METTL15: variants seen among roughly 807,000 people sequenced by gnomAD.
METTL15 encodes methyltransferase 15, mitochondrial 12S rRNA N4-cytidine, also known as 12S rRNA N(4)-cytidine methyltransferase METTL15.
Under a neutral mutation model 38.3 loss-of-function variants are expected in METTL15, and 34 were observed. The ratio of observed to expected loss-of-function variants is 0.89; its 90% CI spans 0.68 to 1.18. The LOEUF (loss-of-function observed/expected upper bound fraction) is 1.18. METTL15 is among the 50% of genes most tolerant of loss of function. METTL15 has a pLI of 0.00. For synonymous variants in METTL15, 162 were observed against 170.9 expected (o/e 0.95, Z 0.41); for missense variants, 438 against 498.4 (o/e 0.88, Z 1.15).
intron 3 of METTL15, chr11:28,163,738 T>G (rs1850556747): frequency 3.3e-6 from 1 of 306,346 alleles, no homozygotes; most frequent in Non-Finnish European, 5.9e-6. Flanking sequence ...AGTGAGCTAT[T>G]TTTATTGTTG....
chr11:28,509,627 G>T (rs1014185498), intron 6 of METTL15, among the ~76,000 whole-genome samples: 2 of 152,170 alleles, frequency 1.3e-5, no homozygotes, highest in Non-Finnish European at 2.9e-5. Context: ...GCTGATAACT[G>T]AGTTGTGAAC....
At chr11:28,134,458 C>T (rs2133641422) in intron 3 of METTL15, 2 of 398,020 alleles carry the variant, frequency 5.0e-6, no homozygotes, top group African/African-American at 2.1e-5. Flanking sequence ...CTTATCTGCA[C>T]AAAACATGGG....
chr11:28,400,809 T>C (rs1342008263), intron 5 of METTL15, among the ~76,000 whole-genome samples: 1 of 151,930 alleles, frequency 6.6e-6, no homozygotes, highest in East Asian at 1.9e-4. Context: ...AACAATGTGT[T>C]TTCATAACAT....
chr11:28,172,774 C>T (rs1343010376), intron 3 of METTL15, among the ~76,000 whole-genome samples: 1 of 152,078 alleles, frequency 6.6e-6, no homozygotes, highest in East Asian at 1.9e-4. Flanking sequence ...AATATCAGTC[C>T]TATGTGTATT....
chr11:28,236,760 T>C (rs963508622), intron 4 of METTL15, among the ~76,000 whole-genome samples: 1 of 152,212 alleles, frequency 6.6e-6, no homozygotes, highest in Admixed American at 6.5e-5. Context: ...TTTCCATGTT[T>C]AGTGCTTCCT....
chr11:28,317,952 GT>G (rs988999232), intron 6 of METTL15, among the ~76,000 whole-genome samples: 1 of 152,116 alleles, frequency 6.6e-6, no homozygotes, highest in East Asian at 1.9e-4. Flanking sequence ...ACATACAGAA[GT>G]TTTTTTGGGG....
chr11:28,368,702 C>T (rs559149521), intron 5 of METTL15, among the ~76,000 whole-genome samples: 97 of 152,194 alleles, frequency 6.4e-4, no homozygotes, highest in African/African-American at 1.4e-3. Context: ...TGCATGCACA[C>T]GTATGTTTTA....
intron 5 of METTL15, among the ~76,000 whole-genome samples, chr11:28,384,242 G>T (rs1015822322): frequency 7.3e-5 from 11 of 151,712 alleles, no homozygotes; most frequent in Admixed American, 2.6e-4. Flanking sequence ...CAATGTCTTT[G>T]CTGTTGTGTA....
chr11:28,369,211 G>A (rs1393386173), intron 5 of METTL15, among the ~76,000 whole-genome samples: 8 of 151,808 alleles, frequency 5.3e-5, no homozygotes, highest in Non-Finnish European at 8.8e-5. Context: ...GCAGAAGAAA[G>A]AATCAGCAAA....
intron 4 of METTL15, among the ~76,000 whole-genome samples, chr11:28,238,239 T>A (rs1177929524): frequency 1.3e-5 from 2 of 152,206 alleles, no homozygotes; most frequent in African/African-American, 4.8e-5. Context: ...CAGGCCTCCT[T>A]GAGCTGTGGT....
At chr11:28,383,750 T>G (rs908722481) in intron 5 of METTL15, among the ~76,000 whole-genome samples, 2 of 152,142 alleles carry the variant, frequency 1.3e-5, no homozygotes, top group East Asian at 3.8e-4. Flanking sequence ...TTTTTGGCCA[T>G]GTGTATGTCT....
At chr11:28,488,678 A>C (rs1399107617) in intron 6 of METTL15, among the ~76,000 whole-genome samples, 1 of 152,094 alleles carries the variant, frequency 6.6e-6, no homozygotes, top group Non-Finnish European at 1.5e-5. Context: ...ACATAACTGT[A>C]ATTTGTTTGG....
chr11:28,450,168 A>AT (rs1170620659), intron 6 of METTL15, among the ~76,000 whole-genome samples: 1 of 152,248 alleles, frequency 6.6e-6, no homozygotes, highest in Non-Finnish European at 1.5e-5. Flanking sequence ...AGAGTTCATT[A>AT]TATTTCCAAT....
rs779591405 is a variant in METTL15, at chr11:28,330,805, G to T, written c.1188G>T (p.Gly396=). ...AGGATGTACAAGATAACCCCAGAGG[G>T]CGCTCAGCCAAGCTTAGAGCAGCTA... is the stretch of plus-strand genomic sequence containing the variant. ...QDQDVQDNPR[G]RSAKLRAAIK... The change falls in exon 7 of 7, where the codon GGG becomes GGT. Residue 396 remains glycine (G), a synonymous_variant. Transcript: ENST00000407364. 54 of 1,550,868 alleles carry T rather than the reference G, an allele frequency of 3.5e-5. No individual in the cohort carries two copies. Among genetic ancestry groups the T allele is most frequent in the Admixed American group, 1.6e-4 (8 of 50,828 alleles).
intron 3 of METTL15, among the ~76,000 whole-genome samples, chr11:28,175,761 A>C (rs1290568529): frequency 6.6e-6 from 1 of 152,154 alleles, no homozygotes; most frequent in Non-Finnish European, 1.5e-5. Flanking sequence ...AAATATATTT[A>C]GCTCTTTTTT....
intron 6 of METTL15, among the ~76,000 whole-genome samples, chr11:28,455,681 A>G (rs1590380679): frequency 6.6e-6 from 1 of 152,188 alleles, no homozygotes; most frequent in Non-Finnish European, 1.5e-5. Context: ...AGTCATGGTG[A>G]TACTGCATGG....
intron 6 of METTL15, chr11:28,519,369 C>T (rs1217865777): frequency 6.6e-6 from 1 of 152,306 alleles, no homozygotes; most frequent in Non-Finnish European, 1.5e-5. Flanking sequence ...TCCTGGCTAA[C>T]ACGGTGAAAC....
intron 3 of METTL15, among the ~76,000 whole-genome samples, chr11:28,349,091 T>A (rs980171710): frequency 3.9e-5 from 6 of 152,252 alleles, no homozygotes; most frequent in Non-Finnish European, 2.9e-5. Flanking sequence ...TATTTATCTC[T>A]ATATACATCT....
At position 28,330,251 on chromosome 11, in the gene METTL15, G is replaced by A. The variant is rs1590332756; in HGVS notation, c.779-145G>A. Reference sequence around the variant, plus strand: ...GGAAGAATGTTTGGGAATAAGAGGGGGAAGTATGAATGAAGTGCCACCACA... The same window carrying A: ...GGAAGAATGTTTGGGAATAAGAGGGAGAAGTATGAATGAAGTGCCACCACA... On this transcript the variant is annotated intron_variant, in intron 6 of 6. Transcript: ENST00000407364. 12 of 685,084 alleles carry A rather than the reference G, an allele frequency of 1.8e-5. No individual in the cohort carries two copies. The East Asian group carries it at 3.1e-4, about 18-fold the overall frequency. The allele number at this position is 685,084 out of a possible 1,614,324, so 42.4% of individuals were successfully genotyped here. A position where few individuals can be genotyped will look rare whatever the true frequency, so the allele number is the denominator to read the frequency against.
Sources: allele counts gnomAD v4.1 joint callset (sites outside exome capture counted in the v4.1 genomes callset), GRCh38; gene constraint gnomAD v4.1.1; transcripts MANE v1.5; gene names NCBI Gene and HGNC (gene_info 2026-07-23, HGNC 2026-07-21).